The following DENND1A variants were observed in gnomAD, a reference collection of about 807,000 sequenced individuals.
DENND1A encodes the protein DENN domain-containing protein 1A.
Under a neutral mutation model 113.7 loss-of-function variants are expected in DENND1A, and 51 were observed. The observed-to-expected ratio is 0.45, with a 90% CI of 0.36 to 0.57. The LOEUF is 0.57. Ranked by LOEUF, DENND1A falls within the 20% of genes least tolerant of loss-of-function variation. The pLI is 0.00. For missense variants in DENND1A, 1,258 were observed against 1,395.9 expected, an observed-to-expected ratio of 0.90 and a Z score of 1.57; for synonymous variants, 565 against 570.8, an observed-to-expected ratio of 0.99 and a Z score of 0.14.
At chr9:123,882,013 T>C (rs1848380390) in intron 1 of DENND1A, among the ~76,000 whole-genome samples, 2 of 152,184 alleles carry the variant, frequency 1.3e-5, no homozygotes, top group South Asian at 4.1e-4. Context: ...ATCCTCTTCC[T>C]ACCTCACTGG....
intron 13 of DENND1A, among the ~76,000 whole-genome samples, chr9:123,509,047 A>G (rs2053219073): frequency 1.3e-5 from 2 of 152,238 alleles, no homozygotes; most frequent in Admixed American, 6.5e-5. Flanking sequence ...GAAGAAGGAA[A>G]GAAAGAGAGA....
chr9:123,678,278 A>G (rs1222126431), intron 5 of DENND1A, among the ~76,000 whole-genome samples: 1 of 152,158 alleles, frequency 6.6e-6, no homozygotes, highest in Non-Finnish European at 1.5e-5. Context: ...GCGTTTACTG[A>G]GCAAATAAAG....
At chr9:123,738,319 TG>T (rs1484617001) in intron 5 of DENND1A, among the ~76,000 whole-genome samples, 1 of 152,088 alleles carries the variant, frequency 6.6e-6, no homozygotes, top group East Asian at 1.9e-4. Flanking sequence ...TGCTGACATC[TG>T]GGCCAGATTA....
Position 123,699,155 on chromosome 9 carries a change from T to G in DENND1A, c.303-22366A>C, listed in dbSNP as rs182459220. ...ATTCATAAAACCTGCTTAGCATAGTTTCCAGGTAGAAAGTAATCAATAAAT... is the reference window on the plus strand; with the variant it reads ...ATTCATAAAACCTGCTTAGCATAGTGTCCAGGTAGAAAGTAATCAATAAAT... On this transcript the variant is annotated intron_variant, in intron 5 of 23. Coordinates refer to ENST00000394215, the MANE Select transcript of DENND1A (RefSeq NM_001352964.2). 4.9e-4 allele frequency among the ~76,000 whole-genome samples: 74 copies of G among 152,192 alleles called. 1 individual carries two copies. In the East Asian group the frequency reaches 9.3e-3, roughly 19 times the overall value.
intron 13 of DENND1A, among the ~76,000 whole-genome samples, chr9:123,545,267 T>C (rs17213537): frequency 0.065 from 9,817 of 152,072 alleles, 400 homozygotes; most frequent in Non-Finnish European, 0.074. Flanking sequence ...CTGAATGTCA[T>C]GTAGTCATAT....
At chr9:123,394,157 A>AT (rs1218407357) in intron 21 of DENND1A, among the ~76,000 whole-genome samples, 3 of 151,498 alleles carry the variant, frequency 2.0e-5, no homozygotes, top group Admixed American at 6.6e-5. Flanking sequence ...ATGCCTGGCT[A>AT]TTTTTTTTAT....
At chr9:123,464,166 T>TCTA (rs1318356048) in intron 13 of DENND1A, among the ~76,000 whole-genome samples, 1 of 152,160 alleles carries the variant, frequency 6.6e-6, no homozygotes, top group East Asian at 1.9e-4. Flanking sequence ...CTTACTATGG[T>TCTA]CTAGGCTCTG....
At chr9:123,431,259 C>T (rs922051741) in intron 19 of DENND1A, among the ~76,000 whole-genome samples, 4 of 152,198 alleles carry the variant, frequency 2.6e-5, no homozygotes, top group Non-Finnish European at 4.4e-5. Flanking sequence ...CTGCATTCTA[C>T]TCTCTCACAC....
intron 13 of DENND1A, among the ~76,000 whole-genome samples, chr9:123,472,938 C>T (rs1482297308): frequency 6.6e-6 from 1 of 152,176 alleles, no homozygotes; most frequent in Non-Finnish European, 1.5e-5. Flanking sequence ...CCAGGGCAAG[C>T]TGCCCTGGGA....
chr9:123,388,671 T>C (rs1324331463), intron 21 of DENND1A, among the ~76,000 whole-genome samples: 1 of 152,356 alleles, frequency 6.6e-6, no homozygotes, highest in East Asian at 1.9e-4. Context: ...CTGTGAGCTC[T>C]ACCTCTATAA....
chr9:123,793,157 T>A (rs1354666403), intron 2 of DENND1A, among the ~76,000 whole-genome samples: 1 of 152,222 alleles, frequency 6.6e-6, no homozygotes, highest in Admixed American at 6.5e-5. Flanking sequence ...TAAAACTGGA[T>A]GGAAGTTTTC....
intron 1 of DENND1A, among the ~76,000 whole-genome samples, chr9:123,925,857 T>TA (rs144088969): frequency 0.092 from 14,040 of 152,212 alleles, 1,059 homozygotes; most frequent in African/African-American, 0.21. Flanking sequence ...CCTCAAGTCT[T>TA]AGAGTATGCT....
intron 13 of DENND1A, among the ~76,000 whole-genome samples, chr9:123,483,989 G>A (rs568373153): frequency 3.9e-5 from 6 of 152,196 alleles, no homozygotes; most frequent in East Asian, 1.9e-4. Flanking sequence ...CCTGGTCATC[G>A]GAGCCATGCC....
chr9:123,408,061 CT>C (rs1193218976), intron 20 of DENND1A, among the ~76,000 whole-genome samples: 1 of 152,154 alleles, frequency 6.6e-6, no homozygotes, highest in Admixed American at 6.5e-5. Flanking sequence ...AGGTGCCAGG[CT>C]ACAAAGCTCC....
chr9:123,591,184 T>C (rs931016984), intron 11 of DENND1A, among the ~76,000 whole-genome samples: 1 of 152,234 alleles, frequency 6.6e-6, no homozygotes, highest in Non-Finnish European at 1.5e-5. Context: ...GAGTTGGTTG[T>C]ATGAAAACAA....
chr9:123,412,010 T>A (rs1242888816), intron 19 of DENND1A, among the ~76,000 whole-genome samples, 181 bp from the exon 20 acceptor site: 11 of 152,158 alleles, frequency 7.2e-5, no homozygotes, highest in Non-Finnish European at 1.6e-4. Context: ...CATTCTTTCC[T>A]TCTAACCTTG....
At chr9:123,482,480 T>G (rs2050425956) in intron 13 of DENND1A, among the ~76,000 whole-genome samples, 1 of 152,204 alleles carries the variant, frequency 6.6e-6, no homozygotes, top group Non-Finnish European at 1.5e-5. Context: ...CTGGCAAACA[T>G]GGACTCAGGA....
chr9:123,883,587 C>T (rs959956952), intron 1 of DENND1A, among the ~76,000 whole-genome samples: 1 of 152,118 alleles, frequency 6.6e-6, no homozygotes, highest in African/African-American at 2.4e-5. Flanking sequence ...TAAGAACTAC[C>T]AGTTAAGTAG....
At chr9:123,675,112 G>C (rs2063993489) in intron 6 of DENND1A, among the ~76,000 whole-genome samples, 1 of 152,102 alleles carries the variant, frequency 6.6e-6, no homozygotes, top group African/African-American at 2.4e-5. Flanking sequence ...TTCACAGTGA[G>C]TGTAGTGATC....
Sources: allele counts gnomAD v4.1 joint callset (sites outside exome capture counted in the v4.1 genomes callset), GRCh38; gene constraint gnomAD v4.1.1; transcripts MANE v1.5; gene names NCBI Gene and HGNC (gene_info 2026-07-23, HGNC 2026-07-21).